GM2A: variants seen among roughly 807,000 people sequenced by gnomAD.
GM2A encodes GM2 ganglioside activator.
A neutral mutation model predicts 12.9 loss-of-function variants in GM2A; 7 were observed. The ratio of observed to expected loss-of-function variants is 0.54; its 90% CI spans 0.31 to 1.02. The LOEUF is 1.02. Ranked by LOEUF, GM2A falls within the 50% of genes least tolerant of loss-of-function variation. The probability of loss-of-function intolerance (pLI) is 0.05; values close to 1 mark genes in which losing one functional copy is unlikely to be tolerated. For synonymous variants in GM2A, 101 were observed against 96.0 expected, an observed-to-expected ratio of 1.05 and a Z score of -0.30; for missense variants, 246 against 241.0, an observed-to-expected ratio of 1.02 and a Z score of -0.14.
chr5:151,255,619 A>C (rs1451961178), intron 1 of GM2A, among the ~76,000 whole-genome samples: 1 of 152,178 alleles, frequency 6.6e-6, no homozygotes, highest in East Asian at 1.9e-4. Flanking sequence ...AGGGAAATGC[A>C]TTCATTGATG....
intron 2 of GM2A, among the ~76,000 whole-genome samples, chr5:151,264,452 G>A (rs985190965): frequency 6.6e-6 from 1 of 152,204 alleles, no homozygotes; most frequent in Non-Finnish European, 1.5e-5. Flanking sequence ...GCCCTGGCAG[G>A]ACTTGTCCCC....
intron 1 of GM2A, among the ~76,000 whole-genome samples, chr5:151,259,196 A>T (rs1361425472): frequency 3.9e-5 from 6 of 152,194 alleles, no homozygotes; most frequent in African/African-American, 9.7e-5. Context: ...GGATCTTTTC[A>T]TGAGTGTCCT....
In GM2A at chr5:151,267,454, T is replaced by TG. The variant is rs1561620486; in HGVS notation, c.*5dup. On this transcript the variant is annotated 3_prime_UTR_variant, in exon 4 of 4. Transcript: ENST00000357164. ...CTGCCTCTCTAAAGGGCATATAACATGGCATCTGCCACAGCAGAATGGAGC... is the reference window on the plus strand; with the variant it reads ...CTGCCTCTCTAAAGGGCATATAACATGGGCATCTGCCACAGCAGAATGGAGC... The TG allele has an allele frequency of 6.2e-7, 1 of 1,614,152 alleles. No homozygotes were observed.
chr5:151,267,186 A>T (rs1256549109), intron 3 of GM2A, 110 bp from the exon 4 acceptor site: 11 of 1,401,596 alleles, frequency 7.8e-6, no homozygotes, highest in African/African-American at 1.4e-5. Context: ...GGCTGTTTTG[A>T]GAATGGGAAG....
intron 1 of GM2A, among the ~76,000 whole-genome samples, chr5:151,254,041 C>A (rs1753639302): frequency 6.6e-6 from 1 of 152,184 alleles, no homozygotes; most frequent in African/African-American, 2.4e-5. Flanking sequence ...CTTTTAAAGG[C>A]TGAATAGTAT....
intron 2 of GM2A, among the ~76,000 whole-genome samples, chr5:151,266,453 A>G (rs1364745071): frequency 1.3e-5 from 2 of 151,942 alleles, no homozygotes; most frequent in Non-Finnish European, 2.9e-5. Flanking sequence ...GATACAAAAA[A>G]AAAAAAAAAG....
At position 151,267,776 on chromosome 5, in the gene GM2A, T is replaced by G; in HGVS notation, c.*325T>G. On this transcript the variant is annotated 3_prime_UTR_variant, in exon 4 of 4. Coordinates refer to ENST00000357164, the MANE Select transcript of GM2A (RefSeq NM_000405.5). The stretch of plus-strand genomic sequence containing the variant: ...TTAAGGAATGGGAACCAGAGTGTTT[T>G]AGGACCTGAAGAATCTTTATGACTC... 1.6e-6 allele frequency: 2 copies of G among 1,233,394 alleles called. No homozygotes were observed. Among genetic ancestry groups the G allele is most frequent in the Non-Finnish European group, 2.1e-6 (2 of 970,850 alleles). 76.4% of individuals were successfully genotyped at this position (1,233,394 alleles called of 1,614,324 possible).
At chr5:151,259,419 C>G (rs1448414833) in intron 1 of GM2A, among the ~76,000 whole-genome samples, 1 of 152,072 alleles carries the variant, frequency 6.6e-6, no homozygotes, top group Non-Finnish European at 1.5e-5. Flanking sequence ...GAGTGGGCAG[C>G]AGGGAGGTGG....
At chr5:151,259,712 A>G (rs1350042004) in intron 1 of GM2A, 43 bp from the exon 2 acceptor site, 6 of 1,596,580 alleles carry the variant, frequency 3.8e-6, no homozygotes, top group African/African-American at 1.3e-5. Context: ...TCTTTTGTCA[A>G]CCTTTTTCTT....
rs116809628 is a variant in GM2A at position 151,267,852 on chromosome 5, G to A, written c.*401G>A. Reference sequence around the variant, plus strand: ...TGTCACTAAGTTAAAAGCGAAGTGAGAGTATTAACGTTTTTGTTCTCCTCC... The same window carrying A: ...TGTCACTAAGTTAAAAGCGAAGTGAAAGTATTAACGTTTTTGTTCTCCTCC... On this transcript the variant is annotated 3_prime_UTR_variant, in exon 4 of 4. Transcript: ENST00000357164. 4.6e-3 allele frequency: 5,328 copies of A among 1,165,456 alleles called. 184 individuals are homozygous for A. The African/African-American group carries it at 0.075, about 16-fold the overall frequency. The allele number at this position is 1,165,456 out of a possible 1,614,324, so 72.2% of individuals were successfully genotyped here. A position where few individuals can be genotyped will look rare whatever the true frequency, so the allele number is the denominator to read the frequency against.
At chr5:151,262,511 G>T (rs56336329) in intron 2 of GM2A, among the ~76,000 whole-genome samples, 1 of 152,316 alleles carries the variant, frequency 6.6e-6, no homozygotes, top group Non-Finnish European at 1.5e-5. Flanking sequence ...ATTTCGATTA[G>T]TATCTGTCTT....
At chr5:151,264,811 C>A (rs1753854892) in intron 2 of GM2A, among the ~76,000 whole-genome samples, 1 of 152,106 alleles carries the variant, frequency 6.6e-6, no homozygotes, top group Non-Finnish European at 1.5e-5. Context: ...GAAACCCCAT[C>A]TCTACTAAAA....
intron 1 of GM2A, among the ~76,000 whole-genome samples, chr5:151,256,756 T>C (rs1753696967): frequency 6.6e-6 from 1 of 152,174 alleles, no homozygotes. Flanking sequence ...AATTCTAGAC[T>C]TTATTTGGAT....
At chr5:151,256,110 G>A (rs1202864339) in intron 1 of GM2A, among the ~76,000 whole-genome samples, 2 of 152,250 alleles carry the variant, frequency 1.3e-5, no homozygotes, top group East Asian at 3.9e-4. Flanking sequence ...TAGCATAACT[G>A]ATCTTGTGAC....
intron 1 of GM2A, among the ~76,000 whole-genome samples, chr5:151,254,838 A>G (rs538907827): frequency 6.6e-6 from 1 of 152,334 alleles, no homozygotes; most frequent in South Asian, 2.1e-4. Context: ...TGGATACTAA[A>G]AGTACAGTTT....
chr5:151,263,385 A>G (rs910272607), intron 2 of GM2A, among the ~76,000 whole-genome samples: 2 of 150,658 alleles, frequency 1.3e-5, no homozygotes, highest in Admixed American at 6.6e-5. Context: ...TATTTCTCGT[A>G]TATATATATA....
chr5:151,266,201 G>A (rs997493222), intron 2 of GM2A, among the ~76,000 whole-genome samples: 28 of 152,200 alleles, frequency 1.8e-4, no homozygotes, highest in Non-Finnish European at 3.1e-4. Flanking sequence ...ACTATGGACT[G>A]AGCATGATGG....
At position 151,253,230 on chromosome 5, in the gene GM2A, T is replaced by C. The variant is rs759249002; in HGVS notation, c.14T>C (p.Met5Thr). 7.9e-5 allele frequency: 128 copies of C among 1,614,030 alleles called. No individual in the cohort carries two copies. The highest frequency in any genetic ancestry group is 1.0e-4 in the Non-Finnish European group (118 of 1,179,906). ...CCACCCTTCCCGATGCAGTCCCTGA[T>C]GCAGGCTCCCCTCCTGATCGCCCTG... Reference protein sequence around the residue: MQSLMQAPLLIALGL... With the variant: MQSLTQAPLLIALGL... Residue 5 changes from methionine to threonine, a missense_variant, in exon 1 of 4, where the codon ATG (methionine) becomes ACG (threonine). Coordinates refer to ENST00000357164, the MANE Select transcript of GM2A (RefSeq NM_000405.5).
At chr5:151,259,594 A>AT (rs1381070524) in intron 1 of GM2A, among the ~76,000 whole-genome samples, 161 bp from the exon 2 acceptor site, 9 of 152,188 alleles carry the variant, frequency 5.9e-5, no homozygotes, top group African/African-American at 2.2e-4. Flanking sequence ...GATAAGTGTT[A>AT]TCCCAGCTTC....
Sources: gnomAD v4.1 joint callset for allele counts (sites outside exome capture counted in the v4.1 genomes callset) on GRCh38, gnomAD v4.1.1 for gene constraint, MANE v1.5 for transcripts, NCBI Gene and HGNC (gene_info 2026-07-23, HGNC 2026-07-21) for gene names.